Variants in DCLK1 observed in about 807,000 individuals in gnomAD.
The protein encoded by DCLK1 is serine/threonine-protein kinase DCLK1.
Under a neutral mutation model 86.2 loss-of-function variants are expected in DCLK1, and 16 were observed. That is an observed-to-expected ratio of 0.19 (90% CI 0.13 to 0.28). DCLK1 has a LOEUF of 0.28. DCLK1 is among the 10% of genes least tolerant of loss of function. The pLI is 1.00. For missense variants in DCLK1, 590 were observed against 940.2 expected (o/e 0.63, Z 4.87); for synonymous variants, 369 against 370.5 (o/e 1.00, Z 0.05).
intron 3 of DCLK1, among the ~76,000 whole-genome samples, chr13:36,025,971 G>A (rs1882019042): frequency 6.6e-6 from 1 of 152,086 alleles, no homozygotes; most frequent in Admixed American, 6.6e-5. Flanking sequence ...ATGGTGGGGG[G>A]AGAGGAAAGA....
intron 1 of DCLK1, among the ~76,000 whole-genome samples, chr13:36,130,034 C>T (rs1886309267): frequency 6.6e-6 from 1 of 152,050 alleles, no homozygotes. Flanking sequence ...ATATTTTAAC[C>T]GTGGGATTAG....
At chr13:35,835,138 C>T (rs1262870848) in intron 8 of DCLK1, among the ~76,000 whole-genome samples, 1 of 152,084 alleles carries the variant, frequency 6.6e-6, no homozygotes, top group Non-Finnish European at 1.5e-5. Flanking sequence ...CTCAGTCGTC[C>T]TCTCTGAGTG....
At chr13:35,821,679 T>A (rs1309406614) in intron 11 of DCLK1, among the ~76,000 whole-genome samples, 2 of 148,514 alleles carry the variant, frequency 1.3e-5, no homozygotes, top group Admixed American at 1.4e-4. Context: ...TATGTATATA[T>A]ATATATATAT....
At chr13:35,815,239 G>A (rs921390571) in intron 11 of DCLK1, among the ~76,000 whole-genome samples, 6 of 152,144 alleles carry the variant, frequency 3.9e-5, no homozygotes, top group African/African-American at 1.2e-4. Context: ...ATGGGAAACT[G>A]AGACCATTTG....
At chr13:35,820,562 A>C (rs1016549593) in intron 11 of DCLK1, among the ~76,000 whole-genome samples, 24 of 152,330 alleles carry the variant, frequency 1.6e-4, no homozygotes, top group Admixed American at 1.2e-3. Flanking sequence ...GTAAGTGAAC[A>C]ATGGGTACAC....
chr13:35,797,021 A>C (rs1261920469), intron 15 of DCLK1, among the ~76,000 whole-genome samples: 1 of 152,170 alleles, frequency 6.6e-6, no homozygotes, highest in African/African-American at 2.4e-5. Flanking sequence ...CTGGGTGTCC[A>C]CTAATCTGGG....
chr13:35,822,396 A>G (rs2153104933), intron 11 of DCLK1, among the ~76,000 whole-genome samples: 1 of 152,314 alleles, frequency 6.6e-6, no homozygotes, highest in East Asian at 1.9e-4. Flanking sequence ...ACTTTCTAAC[A>G]TAAAAGTGCC....
intron 3 of DCLK1, among the ~76,000 whole-genome samples, chr13:36,071,450 T>G (rs866511491): frequency 6.6e-6 from 1 of 152,180 alleles, no homozygotes; most frequent in South Asian, 2.1e-4. Context: ...TTAAGTAATA[T>G]GTACAGATAG....
At chr13:36,113,572 A>C (rs2138193273) in intron 2 of DCLK1, among the ~76,000 whole-genome samples, 1 of 152,218 alleles carries the variant, frequency 6.6e-6, no homozygotes, top group Middle Eastern at 3.4e-3. Context: ...GTGTTTTGGG[A>C]GTTTTCATGG....
intron 1 of DCLK1, among the ~76,000 whole-genome samples, chr13:36,127,546 G>A (rs1456849920): frequency 6.6e-6 from 1 of 152,162 alleles, no homozygotes; most frequent in East Asian, 1.9e-4. Flanking sequence ...CTACCTCACA[G>A]TCAGTATTAA....
Position 36,111,441 on chromosome 13 carries a change from C to T in DCLK1, c.723+428G>A, listed in dbSNP as rs181373998. 1.4e-4 allele frequency among the ~76,000 whole-genome samples: 22 copies of T among 152,218 alleles called. No individual in the cohort carries two copies. The East Asian group carries it at 3.1e-3, about 21-fold the overall frequency. On this transcript the variant is annotated intron_variant, in intron 3 of 16. Transcript: ENST00000360631. Reference sequence around the variant, plus strand: ...ATAAAATGTAAGTAAATCTCACTAGCGAACACTACAAAGACTTAAAATCAT... The same window carrying T: ...ATAAAATGTAAGTAAATCTCACTAGTGAACACTACAAAGACTTAAAATCAT...
At chr13:36,040,273 T>C (rs1376222176) in intron 3 of DCLK1, among the ~76,000 whole-genome samples, 2 of 149,872 alleles carry the variant, frequency 1.3e-5, no homozygotes, top group African/African-American at 4.9e-5. Flanking sequence ...CTTAGGGTCC[T>C]TTTGGCTATT....
chr13:35,785,568 C>T (rs2086606087), intron 16 of DCLK1, among the ~76,000 whole-genome samples: 1 of 152,128 alleles, frequency 6.6e-6, no homozygotes, highest in Non-Finnish European at 1.5e-5. Flanking sequence ...GAAAACAAAT[C>T]CCCACTATTT....
intron 1 of DCLK1, among the ~76,000 whole-genome samples, chr13:36,130,178 C>T (rs1356588162): frequency 6.6e-6 from 1 of 152,154 alleles, no homozygotes. Context: ...TAAAAAATCC[C>T]TTCTGACCTG....
intron 3 of DCLK1, among the ~76,000 whole-genome samples, chr13:36,027,662 A>G (rs947637848): frequency 2.0e-5 from 3 of 152,186 alleles, no homozygotes; most frequent in Admixed American, 1.3e-4. Context: ...ATGAATTTCT[A>G]TATGTGAAGA....
intron 4 of DCLK1, among the ~76,000 whole-genome samples, chr13:35,940,601 C>T (rs1291765548): frequency 6.6e-6 from 1 of 152,108 alleles, no homozygotes; most frequent in Non-Finnish European, 1.5e-5. Flanking sequence ...TCAACATGGG[C>T]ACGGAGAGAG....
intron 5 of DCLK1, chr13:35,869,132 T>A: frequency 2.0e-6 from 1 of 511,618 alleles, no homozygotes; most frequent in East Asian, 5.5e-5. Flanking sequence ...AAATGTTTTT[T>A]AGTTAAGACT....
chr13:35,889,119 A>C (rs1873478162), intron 4 of DCLK1, among the ~76,000 whole-genome samples: 1 of 152,232 alleles, frequency 6.6e-6, no homozygotes, highest in Admixed American at 6.5e-5. Flanking sequence ...GATAAAAATT[A>C]CAGAAACCTA....
intron 3 of DCLK1, among the ~76,000 whole-genome samples, chr13:35,995,331 T>C (rs759966447): frequency 1.2e-4 from 19 of 152,172 alleles, no homozygotes; most frequent in Non-Finnish European, 2.1e-4. Flanking sequence ...TTCACTTTAT[T>C]ACGAAATCTA....
Sources: allele counts gnomAD v4.1 joint callset (sites outside exome capture counted in the v4.1 genomes callset), GRCh38; gene constraint gnomAD v4.1.1; transcripts MANE v1.5; gene names NCBI Gene and HGNC (gene_info 2026-07-23, HGNC 2026-07-21).